YES1: variants seen among roughly 807,000 people sequenced by gnomAD.
The protein encoded by YES1 is YES proto-oncogene 1, Src family tyrosine kinase.
In YES1, 39 loss-of-function variants were observed where a neutral mutation model predicts 70.4. The ratio of observed to expected loss-of-function variants is 0.55; its 90% confidence interval spans 0.43 to 0.72. YES1 has a LOEUF of 0.72. Among genes scored for constraint, YES1 ranks in the 30% least tolerant of loss-of-function variants. The probability of loss-of-function intolerance (pLI) is 0.00; values close to 1 mark genes in which losing one functional copy is unlikely to be tolerated. For missense variants in YES1, 495 were observed against 644.8 expected, an observed-to-expected ratio of 0.77 and a Z score of 2.52; for synonymous variants, 198 against 218.6, an observed-to-expected ratio of 0.91 and a Z score of 0.83.
At chr18:725,504 TA>T (rs1016664808) in intron 11 of YES1, among the ~76,000 whole-genome samples, 11 of 152,064 alleles carry the variant, frequency 7.2e-5, no homozygotes, top group Non-Finnish European at 1.2e-4. Context: ...TTTAAACTAT[TA>T]AAAAAAACTC....
chr18:804,553 T>C (rs992659338), intron 1 of YES1, among the ~76,000 whole-genome samples: 7 of 130,546 alleles, frequency 5.4e-5, no homozygotes, highest in Non-Finnish European at 9.2e-5. Context: ...GAGGTTGCAG[T>C]GAGCCGAGAT....
chr18:736,810 T>G lies in YES1; in HGVS notation c.1289A>C (p.Gln430Pro), dbSNP rs371854059. The change falls in exon 10 of 12, where the codon CAA becomes CCA. Residue 430 changes from glutamine (Q) to proline (P), a missense_variant and splice_region_variant. Around this residue, in one of 2 missense-constraint regions of YES1, gnomAD observed 385 missense variants for 540.9 expected, o/e 0.71. Coordinates refer to ENST00000314574, the MANE Select transcript of YES1 (RefSeq NM_005433.4). ...CTTTTATGTAAAAGTAATTTTACCT[T>G]GTCTTGCTGTGTATTCATTGTCTTC... ...LIEDNEYTAR[Q>P]GAKFPIKWTA... 1 of 1,607,820 alleles carries G rather than the reference T, an allele frequency of 6.2e-7. No homozygotes were observed. Among genetic ancestry groups the G allele is most frequent in the Non-Finnish European group, 8.5e-7 (1 of 1,178,850 alleles).
chr18:767,495 A>C (rs1904966990), intron 1 of YES1, among the ~76,000 whole-genome samples: 2 of 152,034 alleles, frequency 1.3e-5, no homozygotes, highest in South Asian at 4.1e-4. Context: ...CTCCTAGTAC[A>C]ATTTGTTGAA....
chr18:802,955 T>G (rs1030610708), intron 1 of YES1, among the ~76,000 whole-genome samples: 10 of 152,148 alleles, frequency 6.6e-5, no homozygotes, highest in African/African-American at 2.4e-4. Context: ...AGGCTGGGCA[T>G]GGTGGCTCAC....
intron 1 of YES1, among the ~76,000 whole-genome samples, chr18:760,739 G>A (rs1904549272): frequency 6.6e-6 from 1 of 152,142 alleles, no homozygotes; most frequent in South Asian, 2.1e-4. Flanking sequence ...TTAAAGGTAA[G>A]TAGTTTCATA....
At chr18:767,268 G>A (rs929229946) in intron 1 of YES1, among the ~76,000 whole-genome samples, 2 of 152,084 alleles carry the variant, frequency 1.3e-5, no homozygotes, top group Admixed American at 1.3e-4. Flanking sequence ...TCTTATCTCA[G>A]CCTTCTGAGC....
intron 1 of YES1, among the ~76,000 whole-genome samples, chr18:768,792 T>TCC (rs989629806): frequency 2.0e-5 from 3 of 151,322 alleles, no homozygotes; most frequent in Non-Finnish European, 3.0e-5. Context: ...AACCTCCGCT[T>TCC]CCCAGGTTCA....
intron 1 of YES1, chr18:775,092 T>G (rs934264706): frequency 1.3e-5 from 2 of 152,232 alleles, no homozygotes. Flanking sequence ...ACTCAACCTT[T>G]CTGTGTCCCA....
intron 11 of YES1, among the ~76,000 whole-genome samples, chr18:725,883 C>A (rs889300809): frequency 6.6e-6 from 1 of 151,980 alleles, no homozygotes. Context: ...GACTCCATCT[C>A]GCGGGGTGGG....
At position 732,451 on chromosome 18, in the gene YES1, A is replaced by C. The variant is rs867175181; in HGVS notation, c.1423+383T>G. ...GACTGTGTTTAAAAAAAAAAAAAAAAAAAAAACAAAACACCAATCACACTA... is the reference window on the plus strand; with the variant it reads ...GACTGTGTTTAAAAAAAAAAAAAAACAAAAAACAAAACACCAATCACACTA... On this transcript the variant is annotated intron_variant, in intron 11 of 11. Coordinates refer to ENST00000314574, the MANE Select transcript of YES1 (RefSeq NM_005433.4). Among the ~76,000 whole-genome samples the C allele has an allele frequency of 2.6e-3, 384 of 146,750 alleles. 2 individuals carry two copies. The highest frequency in any genetic ancestry group is 9.0e-3 in the African/African-American group (353 of 39,418).
intron 3 of YES1, among the ~76,000 whole-genome samples, chr18:748,650 T>A (rs922644114): frequency 5.4e-4 from 82 of 152,334 alleles, no homozygotes; most frequent in African/African-American, 1.9e-3. Context: ...TTATGTGGTC[T>A]TTTGTAATTG....
chr18:756,056 TGGG>T (rs1487037774), intron 2 of YES1, among the ~76,000 whole-genome samples: 4 of 152,312 alleles, frequency 2.6e-5, no homozygotes, highest in African/African-American at 4.8e-5. Flanking sequence ...ATCTGTGACT[TGGG>T]GGAAAATTTT....
intron 1 of YES1, among the ~76,000 whole-genome samples, chr18:764,911 T>A (rs1904801791): frequency 6.6e-6 from 1 of 151,720 alleles, no homozygotes; most frequent in South Asian, 2.1e-4. Context: ...TTTTTGTGTA[T>A]TTTTAGTAGA....
intron 1 of YES1, among the ~76,000 whole-genome samples, chr18:805,139 T>C (rs1598950204): frequency 6.6e-6 from 1 of 152,100 alleles, no homozygotes; most frequent in Admixed American, 6.6e-5. Context: ...AAATGCCTCA[T>C]TAGGCAATTC....
chr18:789,142 G>C (rs1906112066), intron 1 of YES1, among the ~76,000 whole-genome samples: 1 of 152,090 alleles, frequency 6.6e-6, no homozygotes, highest in Non-Finnish European at 1.5e-5. Flanking sequence ...CATTCATTGA[G>C]TACTGATAAC....
chr18:754,709 C>T (rs527986830), intron 2 of YES1, among the ~76,000 whole-genome samples: 126 of 85,804 alleles, frequency 1.5e-3, no homozygotes, highest in African/African-American at 5.6e-3. Context: ...GAGACTCCAA[C>T]TCCAAAAAAA....
chr18:797,177 A>AC (rs1568218904), intron 1 of YES1, among the ~76,000 whole-genome samples: 1 of 152,114 alleles, frequency 6.6e-6, no homozygotes, highest in Non-Finnish European at 1.5e-5. Context: ...AAGACAAATA[A>AC]CCCAATAGTA....
rs907367950 is a variant in YES1 at position 724,243 on chromosome 18, G to A, written c.*181C>T. 5.0e-6 allele frequency: 3 copies of A among 604,192 alleles called. No individual in the cohort carries two copies. The highest frequency in any genetic ancestry group is 5.9e-5 in the Admixed American group (2 of 33,704). The allele number at this position is 604,192 out of a possible 1,614,324, so 37.4% of individuals were successfully genotyped here. On this transcript the variant is annotated 3_prime_UTR_variant, in exon 12 of 12. Coordinates refer to ENST00000314574, the MANE Select transcript of YES1 (RefSeq NM_005433.4). ...AAATACGCTGATAAATTCATCATTG[G>A]TACATTAGAGTTTAATACTTGGGGA...
intron 1 of YES1, among the ~76,000 whole-genome samples, chr18:760,060 T>C (rs1448340695): frequency 6.6e-6 from 1 of 152,170 alleles, no homozygotes; most frequent in Non-Finnish European, 1.5e-5. Context: ...TATGGCTGCA[T>C]AGTATTCCAT....
Sources: gnomAD v4.1 joint callset for allele counts (sites outside exome capture counted in the v4.1 genomes callset) on GRCh38, gnomAD v4.1.1 for gene constraint, gnomAD v4.1.1 regional missense constraint, MANE v1.5 for transcripts, NCBI Gene and HGNC (gene_info 2026-07-23, HGNC 2026-07-21) for gene names.